SLCO6A1: variants seen among roughly 807,000 people sequenced by gnomAD.
The protein encoded by SLCO6A1 is solute carrier organic anion transporter family member 6A1, also known as cancer/testis antigen 48.
Under a neutral mutation model 72.7 loss-of-function variants are expected in SLCO6A1, and 65 were observed. The observed-to-expected ratio is 0.89, with a 90% CI of 0.73 to 1.10. The LOEUF (loss-of-function observed/expected upper bound fraction) is 1.10, where lower values mean the gene tolerates loss of function less well. Among genes scored for constraint, SLCO6A1 ranks in the 50% least tolerant of loss-of-function variants. The probability of loss-of-function intolerance (pLI) is 0.00; values close to 1 mark genes in which losing one functional copy is unlikely to be tolerated. For missense variants in SLCO6A1, 874 were observed against 872.6 expected (o/e 1.00, Z -0.02); for synonymous variants, 314 against 298.2 (o/e 1.05, Z -0.55).
At chr5:102,420,755 C>T (rs1315789910) in intron 7 of SLCO6A1, among the ~76,000 whole-genome samples, 1 of 151,856 alleles carries the variant, frequency 6.6e-6, no homozygotes, top group Non-Finnish European at 1.5e-5. Flanking sequence ...AAAAAAAATC[C>T]CATTAACACT....
At chr5:102,446,537 T>C (rs1040236035) in intron 6 of SLCO6A1, among the ~76,000 whole-genome samples, 3 of 152,188 alleles carry the variant, frequency 2.0e-5, no homozygotes, top group African/African-American at 7.2e-5. Flanking sequence ...TGACTTCCTC[T>C]CTTCCTATTT....
chr5:102,417,531 T>G (rs558015378), intron 8 of SLCO6A1, among the ~76,000 whole-genome samples: 2 of 152,264 alleles, frequency 1.3e-5, no homozygotes, highest in African/African-American at 4.8e-5. Context: ...TCAAGATTTA[T>G]AGTATACATT....
chr5:102,384,453 T>C lies in SLCO6A1; in HGVS notation c.2017+4235A>G, dbSNP rs1477006442. ...CTGTCTTCCTTTGTGGTTTGAATTT[T>C]TTTTTGTAGTGGCAGTACGCTTTTC... On this transcript the variant is annotated intron_variant, in intron 12 of 13. Coordinates refer to ENST00000506729, the MANE Select transcript of SLCO6A1 (RefSeq NM_173488.5). 3.3e-5 allele frequency among the ~76,000 whole-genome samples: 5 copies of C among 152,200 alleles called. No homozygotes were observed. In the East Asian group the frequency reaches 9.6e-4, roughly 29 times the overall value.
At chr5:102,418,670 T>C (rs1316584432) in intron 8 of SLCO6A1, among the ~76,000 whole-genome samples, 1 of 152,198 alleles carries the variant, frequency 6.6e-6, no homozygotes, top group African/African-American at 2.4e-5. Flanking sequence ...AATTAACTCC[T>C]GGCCAGGCCA....
chr5:102,491,977 A>T (rs545563877), intron 1 of SLCO6A1, among the ~76,000 whole-genome samples: 2 of 152,248 alleles, frequency 1.3e-5, no homozygotes, highest in African/African-American at 4.8e-5. Flanking sequence ...GAAGCTTACA[A>T]TCATTGTGGA....
rs562644462 is a variant in SLCO6A1 at position 102,460,182 on chromosome 5, C to T, written c.900-405G>A. Among the ~76,000 whole-genome samples, 17 of 152,164 alleles carry T rather than the reference C, an allele frequency of 1.1e-4. 1 individual carries two copies. Among genetic ancestry groups the T allele is most frequent in the African/African-American group, 3.9e-4 (16 of 41,518 alleles). On this transcript the variant is annotated intron_variant, in intron 4 of 13. Transcript: ENST00000506729. Reference sequence around the variant, plus strand: ...ACTGAGACCTTTATGACAAGCTTGGCCCCTTATGTTGCAGAACTGAAGCTT... The same window carrying T: ...ACTGAGACCTTTATGACAAGCTTGGTCCCTTATGTTGCAGAACTGAAGCTT...
chr5:102,496,778 A>G (rs972091902), intron 1 of SLCO6A1, among the ~76,000 whole-genome samples: 2 of 152,190 alleles, frequency 1.3e-5, no homozygotes, highest in African/African-American at 4.8e-5. Flanking sequence ...AAATATAATT[A>G]CCCCCTTATG....
intron 10 of SLCO6A1, among the ~76,000 whole-genome samples, chr5:102,398,220 A>C (rs924746462): frequency 3.3e-5 from 5 of 151,960 alleles, no homozygotes; most frequent in African/African-American, 1.2e-4. Context: ...ACTCTGGCAC[A>C]CAGGCTGGAG....
intron 6 of SLCO6A1, among the ~76,000 whole-genome samples, chr5:102,445,088 A>G (rs1199145533): frequency 6.6e-6 from 1 of 152,188 alleles, no homozygotes; most frequent in Non-Finnish European, 1.5e-5. Context: ...GTTTATATCC[A>G]GTAATGGATT....
intron 4 of SLCO6A1, among the ~76,000 whole-genome samples, chr5:102,474,468 G>A (rs1254329315): frequency 6.6e-6 from 1 of 151,922 alleles, no homozygotes; most frequent in Non-Finnish European, 1.5e-5. Flanking sequence ...AAACCATAAA[G>A]TTCCTAGAGG....
intron 1 of SLCO6A1, among the ~76,000 whole-genome samples, chr5:102,480,833 A>G (rs1752156775): frequency 6.6e-6 from 1 of 152,104 alleles, no homozygotes; most frequent in Admixed American, 6.5e-5. Flanking sequence ...TTAAAGCCCA[A>G]TGCATATTTC....
chr5:102,392,457 T>C (rs1239615990), intron 10 of SLCO6A1, among the ~76,000 whole-genome samples: 4 of 152,010 alleles, frequency 2.6e-5, no homozygotes, highest in African/African-American at 4.8e-5. Flanking sequence ...TTTTATGTCA[T>C]ATGATATTGG....
chr5:102,491,071 T>C (rs1752653810), intron 1 of SLCO6A1, among the ~76,000 whole-genome samples: 1 of 152,058 alleles, frequency 6.6e-6, no homozygotes, highest in Non-Finnish European at 1.5e-5. Flanking sequence ...GACACAAAGG[T>C]TCTCCATGTC....
intron 7 of SLCO6A1, among the ~76,000 whole-genome samples, chr5:102,426,015 C>A (rs9765316): frequency 0.64 from 96,877 of 151,992 alleles, 31,043 homozygotes; most frequent in African/African-American, 0.66. Context: ...ACAAGCAATG[C>A]GGAAATGGTT....
chr5:102,420,523 C>T (rs78588231), intron 7 of SLCO6A1, among the ~76,000 whole-genome samples: 3,524 of 152,008 alleles, frequency 0.023, 94 homozygotes, highest in African/African-American at 0.068. Context: ...CATTAAAAGA[C>T]ATTGTTTTCT....
intron 7 of SLCO6A1, among the ~76,000 whole-genome samples, chr5:102,421,063 C>T (rs77613148): frequency 0.027 from 4,057 of 152,168 alleles, 65 homozygotes; most frequent in South Asian, 0.046. Flanking sequence ...GGGACTGTGC[C>T]ATGAGGGACG....
intron 7 of SLCO6A1, among the ~76,000 whole-genome samples, chr5:102,434,457 G>A (rs1441879136): frequency 6.6e-6 from 1 of 152,106 alleles, no homozygotes; most frequent in Non-Finnish European, 1.5e-5. Flanking sequence ...TTTGGAAACT[G>A]GAGCTCAGAA....
At chr5:102,442,665 C>CA (rs1749900987) in intron 6 of SLCO6A1, among the ~76,000 whole-genome samples, 1 of 152,200 alleles carries the variant, frequency 6.6e-6, no homozygotes, top group African/African-American at 2.4e-5. Context: ...TTAAAAGGAA[C>CA]AGACGCTGTT....
chr5:102,424,591 T>C (rs111342568), intron 7 of SLCO6A1, among the ~76,000 whole-genome samples: 3,819 of 151,962 alleles, frequency 0.025, 65 homozygotes, highest in Non-Finnish European at 0.041. Flanking sequence ...AATCCCTGAG[T>C]AGGCCAGTAA....
Sources: allele counts gnomAD v4.1 joint callset (sites outside exome capture counted in the v4.1 genomes callset), GRCh38; gene constraint gnomAD v4.1.1; transcripts MANE v1.5; gene names NCBI Gene and HGNC (gene_info 2026-07-23, HGNC 2026-07-21).